The following HIRA variants were observed in gnomAD, a reference collection of about 807,000 sequenced individuals.
The protein encoded by HIRA is protein HIRA.
In HIRA, 13 loss-of-function variants were observed where a neutral mutation model predicts 126.6. That is an observed-to-expected ratio of 0.10 (90% confidence interval 0.07 to 0.16). HIRA has a LOEUF of 0.16. HIRA is among the 10% of genes least tolerant of loss of function. The pLI is 1.00. For missense variants in HIRA, 834 were observed against 1,314.4 expected (o/e 0.63, Z 5.65); for synonymous variants, 511 against 520.0 (o/e 0.98, Z 0.24).
chr22:19,370,481 T>C (rs1045457072), intron 15 of HIRA, among the ~76,000 whole-genome samples: 10 of 152,178 alleles, frequency 6.6e-5, no homozygotes, highest in Non-Finnish European at 1.2e-4. Context: ...CGGACTCAAG[T>C]GATCCACCTG....
At chr22:19,394,165 C>T (rs1401069393) in intron 8 of HIRA, among the ~76,000 whole-genome samples, 177 bp downstream of exon 8, 3 of 152,220 alleles carry the variant, frequency 2.0e-5, no homozygotes, top group Non-Finnish European at 2.9e-5. Flanking sequence ...ATGTTCCTAA[C>T]CCAAGACTGA....
chr22:19,334,208 C>CG, intron 24 of HIRA, among the ~76,000 whole-genome samples: 1 of 151,708 alleles, frequency 6.6e-6, no homozygotes, highest in African/African-American at 2.4e-5. Context: ...ATCTCCTGAC[C>CG]TTGTGATCCG....
Position 19,357,077 on chromosome 22 carries a change from G to A in HIRA, c.2235-26C>T, listed in dbSNP as rs935011460. 12 of 1,612,660 alleles carry A rather than the reference G, an allele frequency of 7.4e-6. No individual in the cohort carries two copies. The African/African-American group carries it at 1.5e-4, about 20-fold the overall frequency. ...CTGAGAAGGCAGAGTGGGGGCAGGT[G>A]TCATGGGGGCTGAGTGCTGCAGCCA... On this transcript the variant is annotated intron_variant, in intron 18 of 24. Coordinates refer to ENST00000263208, the MANE Select transcript of HIRA (RefSeq NM_003325.4).
intron 15 of HIRA, among the ~76,000 whole-genome samples, chr22:19,373,145 T>G (rs890629649): frequency 6.6e-5 from 10 of 152,372 alleles, no homozygotes; most frequent in African/African-American, 2.4e-4. Context: ...AAGAGTTTTA[T>G]AGTTTTTGCT....
chr22:19,366,045 T>G (rs1206549620), intron 15 of HIRA: 1 of 151,098 alleles, frequency 6.6e-6, no homozygotes, highest in Non-Finnish European at 1.5e-5. Context: ...CACTATCTCT[T>G]AAATAAATTA....
intron 24 of HIRA, among the ~76,000 whole-genome samples, chr22:19,348,949 C>T (rs1556009886): frequency 6.6e-6 from 1 of 151,182 alleles, no homozygotes; most frequent in African/African-American, 2.4e-5. Flanking sequence ...CCAAGCCCAG[C>T]TAATTTTTTT....
chr22:19,415,062 C>T (rs2089385093), intron 1 of HIRA, among the ~76,000 whole-genome samples: 1 of 152,138 alleles, frequency 6.6e-6, no homozygotes, highest in South Asian at 2.1e-4. Context: ...TCTCCTGCCT[C>T]AGCCTCCCGA....
chr22:19,345,939 A>G (rs2088681722), intron 24 of HIRA, among the ~76,000 whole-genome samples: 1 of 152,264 alleles, frequency 6.6e-6, no homozygotes, highest in Non-Finnish European at 1.5e-5. Context: ...CCTGTGGTGC[A>G]CTGGCAGCTC....
In HIRA at chr22:19,360,635, T is replaced by G. The variant is rs2238764; in HGVS notation, c.2085+602A>C. ...GCACCTGAGCTGAGGTACAAGGGTA[T>G]GCAGAGAGGCAGCAGTGTGTGTGAC... is the stretch of plus-strand genomic sequence containing the variant. On this transcript the variant is annotated intron_variant, in intron 17 of 24. Transcript: ENST00000263208. Among the ~76,000 whole-genome samples, 34 of 152,246 alleles carry G rather than the reference T, an allele frequency of 2.2e-4. No individual in the cohort carries two copies. In the Middle Eastern group the frequency reaches 0.017, roughly 76 times the overall value.
intron 18 of HIRA, 38 bp from the exon 19 acceptor site, chr22:19,357,089 G>T: frequency 2.5e-6 from 4 of 1,609,012 alleles, no homozygotes; most frequent in Non-Finnish European, 3.4e-6. Context: ...CATGGGGGCT[G>T]AGTGCTGCAG....
intron 24 of HIRA, among the ~76,000 whole-genome samples, chr22:19,345,998 A>G (rs1353624005): frequency 6.6e-6 from 1 of 152,246 alleles, no homozygotes; most frequent in Admixed American, 6.5e-5. Context: ...AGTTCCTACA[A>G]ACCATTGAGA....
chr22:19,417,808 C>G (rs2089411927), intron 1 of HIRA, among the ~76,000 whole-genome samples: 1 of 152,140 alleles, frequency 6.6e-6, no homozygotes. Context: ...ATGTTCATAG[C>G]AGTACTATTC....
intron 24 of HIRA, among the ~76,000 whole-genome samples, chr22:19,350,094 C>G (rs2146185993): frequency 6.6e-6 from 1 of 152,098 alleles, no homozygotes; most frequent in East Asian, 1.9e-4. Flanking sequence ...TCTTAATTGC[C>G]CAGCATGAAA....
chr22:19,428,637 C>G (rs1788596860), intron 1 of HIRA, among the ~76,000 whole-genome samples: 1 of 152,188 alleles, frequency 6.6e-6, no homozygotes. Flanking sequence ...CCCCTTTAGA[C>G]TCTCGAAAAA....
chr22:19,388,414 A>G (rs1162355962), intron 10 of HIRA, 70 bp downstream of exon 10: 2 of 1,243,310 alleles, frequency 1.6e-6, no homozygotes, highest in African/African-American at 3.0e-5. Flanking sequence ...AGTCACACCC[A>G]GAAGGCCTCA....
intron 5 of HIRA, 49 bp from the exon 6 acceptor site, chr22:19,398,136 C>T (rs781357488): frequency 2.1e-6 from 3 of 1,433,420 alleles, no homozygotes; most frequent in South Asian, 2.3e-5. Flanking sequence ...TGGTGATGCC[C>T]TTGTCTATTA....
At chr22:19,410,412 C>G (rs1356025146) in intron 2 of HIRA, among the ~76,000 whole-genome samples, 1 of 152,210 alleles carries the variant, frequency 6.6e-6, no homozygotes, top group Non-Finnish European at 1.5e-5. Context: ...GCTTTGCCCA[C>G]TGGACCACCT....
chr22:19,345,870 T>C (rs559231187), intron 24 of HIRA, among the ~76,000 whole-genome samples: 2 of 152,180 alleles, frequency 1.3e-5, no homozygotes, highest in Non-Finnish European at 2.9e-5. Flanking sequence ...TTTCCTCCCA[T>C]GCACACTGAA....
In HIRA at chr22:19,431,480, T is replaced by TCGG; in HGVS notation, c.-7_-5dup. On this transcript the variant is annotated 5_prime_UTR_variant, in exon 1 of 25. Coordinates refer to ENST00000263208, the MANE Select transcript of HIRA (RefSeq NM_003325.4). ...AGGTCGGCTTCAGGAGCTTCATTGT[T>TCGG]CGGCCGCCGCCGCCGCCGGGCTGAG... The TCGG allele has an allele frequency of 2.5e-6, 4 of 1,597,940 alleles. No individual in the cohort carries two copies. The highest frequency in any genetic ancestry group is 2.3e-5 in the East Asian group (1 of 44,422).
Sources: allele counts gnomAD v4.1 joint callset (sites outside exome capture counted in the v4.1 genomes callset), GRCh38; gene constraint gnomAD v4.1.1; transcripts MANE v1.5; gene names NCBI Gene and HGNC (gene_info 2026-07-23, HGNC 2026-07-21).